IL12RB1: variants seen among roughly 807,000 people sequenced by gnomAD.
IL12RB1 encodes the protein interleukin-12 receptor subunit beta-1.
Under a neutral mutation model 94.4 loss-of-function variants are expected in IL12RB1, and 64 were observed. That is an observed-to-expected ratio of 0.68 (90% CI 0.55 to 0.83). IL12RB1 has a LOEUF of 0.83. Ranked by LOEUF, IL12RB1 falls within the 40% of genes least tolerant of loss-of-function variation. The pLI, the probability that IL12RB1 is intolerant of heterozygous loss-of-function variation, is 0.00. For missense variants in IL12RB1, 814 were observed against 855.6 expected (o/e 0.95, Z 0.61); for synonymous variants, 362 against 355.5 (o/e 1.02, Z -0.21).
In IL12RB1 at chr19:18,075,837, C is replaced by T. The variant is rs142934088; in HGVS notation, c.612G>A (p.Val204=). The T allele has an allele frequency of 1.0e-4, 164 of 1,612,834 alleles. No homozygotes were observed. Among genetic ancestry groups the T allele is most frequent in the Middle Eastern group, 3.3e-4 (2 of 6,080 alleles). ...GTCGTCGGAGCTGGAATTCCTGGGC[C>T]ACATTCATCTCCAGGGGGCAGAGGC... ...ESCLCPLEMN[V]AQEFQLRRRQ... The change falls in exon 7 of 17, where the codon GTG becomes GTA. Residue 204 remains valine, a synonymous_variant. Coordinates refer to ENST00000593993, the MANE Select transcript of IL12RB1 (RefSeq NM_005535.3).
Position 18,063,904 on chromosome 19 carries a change from G to A in IL12RB1, c.1590C>T (p.Val530=). The A allele has an allele frequency of 6.2e-7, 1 of 1,613,604 alleles. No homozygotes were observed. Among genetic ancestry groups the A allele is most frequent in the South Asian group, 1.1e-5 (1 of 91,000 alleles). ...TGCTGAAGCGCTGGGGCTGGCTCCA[G>A]ACACCCCTCAGCCACGCTGTGTCTG... ...VRADTAWLRG[V]WSQPQRFSIE... Residue 530 remains valine (V), a synonymous_variant, in exon 13 of 17, where the codon GTC becomes GTT. Coordinates refer to ENST00000593993, the MANE Select transcript of IL12RB1 (RefSeq NM_005535.3).
intron 3 of IL12RB1, among the ~76,000 whole-genome samples, chr19:18,081,646 C>T (rs1260463765): frequency 2.0e-5 from 3 of 151,744 alleles, no homozygotes; most frequent in Non-Finnish European, 4.4e-5. Context: ...CATGGTGAGA[C>T]TCTGTCTCTA....
intron 9 of IL12RB1, among the ~76,000 whole-genome samples, chr19:18,070,370 C>A (rs2034936217): frequency 6.6e-6 from 1 of 152,258 alleles, no homozygotes; most frequent in Non-Finnish European, 1.5e-5. Context: ...TGGCTGCCCA[C>A]CACTTGCCTA....
At position 18,084,824 on chromosome 19, in the gene IL12RB1, C is replaced by T. The variant is rs143820845; in HGVS notation, c.65-1333G>A. On this transcript the variant is annotated intron_variant, in intron 1 of 16. Coordinates refer to ENST00000593993, the MANE Select transcript of IL12RB1 (RefSeq NM_005535.3). ...GAGATGCATATTTGGGAGACACTCT[C>T]GGGAGGTACCCCTGCAGGAAAGAAC... Among the ~76,000 whole-genome samples the T allele has an allele frequency of 1.6e-3, 249 of 152,322 alleles. 1 individual carries two copies. The highest frequency in any genetic ancestry group is 7.3e-3 in the East Asian group (38 of 5,188).
Position 18,077,651 on chromosome 19 carries a change from T to C in IL12RB1, c.414A>G (p.Lys138=). 2.5e-6 allele frequency: 4 copies of C among 1,590,482 alleles called. No individual in the cohort carries two copies. The South Asian group carries it at 3.3e-5, about 13-fold the overall frequency. Residue 138 remains lysine, a synonymous_variant, in exon 5 of 17, where the codon AAA becomes AAG. Transcript: ENST00000593993. ...EVTLQLYNSV[K]YEPPLGDIKV... ...TGATGTCTCCCAGAGGAGGCTCATA[T>C]TTAACTGGAAGCAGAGGTAGGGATT...
intron 1 of IL12RB1, among the ~76,000 whole-genome samples, chr19:18,093,286 A>G (rs894626374): frequency 2.0e-5 from 3 of 151,862 alleles, no homozygotes; most frequent in Non-Finnish European, 4.4e-5. Flanking sequence ...AGCCTGGCCA[A>G]CAGAGCTGGA....
In IL12RB1 at chr19:18,081,019, G is replaced by A; in HGVS notation, c.240-18C>T. The A allele has an allele frequency of 1.2e-6, 2 of 1,607,462 alleles. No homozygotes were observed. The highest frequency in any genetic ancestry group is 2.2e-5 in the East Asian group (1 of 44,860). On this transcript the variant is annotated intron_variant, in intron 3 of 16. Coordinates refer to ENST00000593993, the MANE Select transcript of IL12RB1 (RefSeq NM_005535.3). Reference sequence around the variant, plus strand: ...AGCTAAGGCTGCAGCAGGAAGGAGGGTGTCAGTGCCGAGTCTGGGGTCCTA... The same window carrying A: ...AGCTAAGGCTGCAGCAGGAAGGAGGATGTCAGTGCCGAGTCTGGGGTCCTA...
At chr19:18,093,247 A>G (rs2036716374) in intron 1 of IL12RB1, among the ~76,000 whole-genome samples, 1 of 151,928 alleles carries the variant, frequency 6.6e-6, no homozygotes, top group African/African-American at 2.4e-5. Context: ...CGGAGGTTGC[A>G]GTGAGCCGAG....
chr19:18,083,528 C>T (rs141770105), intron 1 of IL12RB1, 37 bp from the exon 2 acceptor site: 1 of 1,605,906 alleles, frequency 6.2e-7, no homozygotes, highest in Non-Finnish European at 8.5e-7. Context: ...CATTCCTGGC[C>T]TTGCACTGTG....
At position 18,072,277 on chromosome 19, in the gene IL12RB1, G is replaced by A. The variant is rs769837009; in HGVS notation, c.856C>T (p.Leu286Phe). Reference protein sequence around the residue: ...PGTEVTYRLQLHMLSCPCKAK... With the variant: ...PGTEVTYRLQFHMLSCPCKAK... ...TTACACGGGCAGGACAGCATGTGGA[G>A]CTGTAGTCGGTAAGTGACCTCCGTG... The change falls in exon 9 of 17, where the codon CTC (leucine) becomes TTC (phenylalanine). Residue 286 changes from leucine to phenylalanine, a missense_variant. By Grantham distance (22) the Leu-to-Phe change is conservative (BLOSUM62 0). Transcript: ENST00000593993. 6.2e-7 allele frequency: 1 copy of A among 1,614,124 alleles called. No individual in the cohort carries two copies.
rs1190136948 is a variant in IL12RB1, at chr19:18,076,409, A to C, written c.550-82T>G. The stretch of plus-strand genomic sequence containing the variant: ...CTGTTTTACAATTAGTTATTTATTT[A>C]CTTATTTATCTGAGACACGGTCTCA... On this transcript the variant is annotated intron_variant, in intron 5 of 16. Coordinates refer to ENST00000593993, the MANE Select transcript of IL12RB1 (RefSeq NM_005535.3). The C allele has an allele frequency of 3.1e-5, 24 of 765,446 alleles. 2 individuals carry two copies. In the Admixed American group the frequency reaches 4.4e-4, roughly 14 times the overall value. 47.4% of individuals were successfully genotyped at this position (765,446 alleles called of 1,614,324 possible).
chr19:18,082,525 T>C (rs868719054), intron 2 of IL12RB1, among the ~76,000 whole-genome samples: 3 of 151,382 alleles, frequency 2.0e-5, no homozygotes, highest in Middle Eastern at 3.4e-3. Context: ...TTTTGGGGGG[T>C]CCCCAGGGCC....
chr19:18,065,541 G>A (rs866958532), intron 12 of IL12RB1, among the ~76,000 whole-genome samples: 1 of 152,150 alleles, frequency 6.6e-6, no homozygotes, highest in Non-Finnish European at 1.5e-5. Context: ...GAGCGAGGCC[G>A]GACACGGTGG....
Position 18,068,454 on chromosome 19 carries a change from G to A in IL12RB1, c.1262C>T (p.Ser421Phe), listed in dbSNP as rs201548803. ...EKCYYITIFA[S>F]AHPEKLTLWS... ...CAAGGTGAGCTTCTCGGGGTGCGCA[G>A]AGGCAAAGATGGTAATGTAGTAACA... is the stretch of plus-strand genomic sequence containing the variant. Residue 421 changes from serine to phenylalanine, a missense_variant, in exon 11 of 17, where the codon TCT (serine) becomes TTT (phenylalanine). Coordinates refer to ENST00000593993, the MANE Select transcript of IL12RB1 (RefSeq NM_005535.3). The A allele has an allele frequency of 1.4e-4, 218 of 1,612,788 alleles. No individual in the cohort carries two copies. Among genetic ancestry groups the A allele is most frequent in the Non-Finnish European group, 1.8e-4 (209 of 1,179,030 alleles).
At position 18,086,792 on chromosome 19, in the gene IL12RB1, A is replaced by T; in HGVS notation, c.32T>A (p.Leu11His). The change falls in exon 1 of 17, where the codon CTC (leucine) becomes CAC (histidine). Residue 11 changes from leucine to histidine, a missense_variant. By Grantham distance (99) the Leu-to-His change is moderately conservative. Coordinates refer to ENST00000593993, the MANE Select transcript of IL12RB1 (RefSeq NM_005535.3). MEPLVTWVVP[L>H]LFLFLLSRQG... The stretch of plus-strand genomic sequence containing the variant: ...CCTGGACAGCAGGAAGAGGAAGAGG[A>T]GGGGGACCACCCAGGTCACCAGCGG... 6.2e-7 allele frequency: 1 copy of T among 1,612,116 alleles called. No homozygotes were observed. Among genetic ancestry groups the T allele is most frequent in the Non-Finnish European group, 8.5e-7 (1 of 1,179,498 alleles).
intron 2 of IL12RB1, chr19:18,083,065 A>C: frequency 2.7e-6 from 1 of 365,218 alleles, no homozygotes; most frequent in East Asian, 6.7e-5. Context: ...CCTGGGCAGC[A>C]GAACAAGACT....
upstream of IL12RB1, among the ~76,000 whole-genome samples, chr19:18,089,877 A>T (rs1021034241): frequency 6.6e-6 from 1 of 152,134 alleles, no homozygotes; most frequent in South Asian, 2.1e-4. Context: ...CCAGCAGGCT[A>T]TGAGGTCAGT....
At position 18,069,593 on chromosome 19, in the gene IL12RB1, G is replaced by A. The variant is rs749921954; in HGVS notation, c.1142C>T (p.Ala381Val). The A allele has an allele frequency of 2.5e-6, 4 of 1,612,266 alleles. No homozygotes were observed. The highest frequency in any genetic ancestry group is 3.4e-6 in the Non-Finnish European group (4 of 1,179,856). The change falls in exon 10 of 17, where the codon GCC becomes GTC. Residue 381 changes from alanine (A) to valine (V), a missense_variant. Transcript: ENST00000593993. Reference protein sequence around the residue: ...WQPVGQDGGLATCSLTAPQDP... With the variant: ...WQPVGQDGGLVTCSLTAPQDP... ...TTGCGGCGCAGTCAGGCTGCAGGTG[G>A]CAAGGCCCCCGTCCTGGCCCACAGG...
intron 1 of IL12RB1, among the ~76,000 whole-genome samples, chr19:18,086,259 AATAAATAAAT>A (rs1433686086): frequency 5.9e-5 from 9 of 151,564 alleles, no homozygotes; most frequent in African/African-American, 2.2e-4. Context: ...TAAATAAATA[AATAAATAAAT>A]AAGTAAAGTA....
Sources: gnomAD v4.1 joint callset for allele counts (sites outside exome capture counted in the v4.1 genomes callset) on GRCh38, gnomAD v4.1.1 for gene constraint, MANE v1.5 for transcripts, NCBI Gene and HGNC (gene_info 2026-07-23, HGNC 2026-07-21) for gene names.